The following KCNQ2 variants were observed in gnomAD, a reference collection of about 807,000 sequenced individuals.
KCNQ2 encodes potassium voltage-gated channel subfamily KQT member 2.
A neutral mutation model predicts 84.8 loss-of-function variants in KCNQ2; 14 were observed. That is an observed-to-expected ratio of 0.17 (90% CI 0.11 to 0.26). KCNQ2 has a LOEUF of 0.26. KCNQ2 is among the 10% of genes least tolerant of loss of function. The probability of loss-of-function intolerance (pLI) is 1.00; values close to 1 mark genes in which losing one functional copy is unlikely to be tolerated. For synonymous variants in KCNQ2, 599 were observed against 554.1 expected, an observed-to-expected ratio of 1.08 and a Z score of -1.14; for missense variants, 788 against 1,254.0, an observed-to-expected ratio of 0.63 and a Z score of 5.61.
At chr20:63,439,818 C>A (rs999273081) in intron 5 of KCNQ2, 110 bp from the exon 6 acceptor site, 1 of 800,116 alleles carries the variant, frequency 1.2e-6, no homozygotes. Flanking sequence ...GCGGGGCCAC[C>A]CCCGTGTCAC....
At position 63,446,862 on chromosome 20, in the gene KCNQ2, C is replaced by CA; in HGVS notation, c.297-26dup. Reference sequence around the variant, plus strand: ...CCTGGGGGCAGGGAACGCGCGCTCTCAGACAGGCCGCAGCAGGGCAGCAGC... The same window carrying CA: ...CCTGGGGGCAGGGAACGCGCGCTCTCAAGACAGGCCGCAGCAGGGCAGCAGC... On this transcript the variant is annotated intron_variant, in intron 1 of 16. Transcript: ENST00000359125. The surrounding 1 kb of genome is among the most constrained non-coding windows in gnomAD (Gnocchi z 5.5). 1 of 1,597,546 alleles carries CA rather than the reference C, an allele frequency of 6.3e-7. No individual in the cohort carries two copies. Among genetic ancestry groups the CA allele is most frequent in the Non-Finnish European group, 8.6e-7 (1 of 1,165,638 alleles).
intron 7 of KCNQ2, 53 bp from the exon 8 acceptor site, chr20:63,433,956 C>G: frequency 6.5e-7 from 1 of 1,531,622 alleles, no homozygotes; most frequent in South Asian, 1.1e-5. Context: ...GAGGGGCGCG[C>G]CCAGGAGGGC....
At chr20:63,445,842 CCT>C (rs1255554701) in intron 2 of KCNQ2, among the ~76,000 whole-genome samples, 1 of 135,676 alleles carries the variant, frequency 7.4e-6, no homozygotes, top group African/African-American at 2.8e-5. Context: ...GCTGGGAGGC[CCT>C]GTCTGAGCTG....
At chr20:63,448,871 T>A (rs975773259) in intron 1 of KCNQ2, among the ~76,000 whole-genome samples, 8 of 152,146 alleles carry the variant, frequency 5.3e-5, no homozygotes, top group Admixed American at 5.2e-4. Context: ...CGCCCCCTCA[T>A]CATTGGAGCT....
In KCNQ2 at chr20:63,438,439, G is replaced by A. The variant is rs2081066776; in HGVS notation, c.1023+186C>T. ...CACGAGCCACCCCTGTGCAGCCTCA[G>A]GGGTTGGAGCCATTTCTCAACACAC... On this transcript the variant is annotated intron_variant, in intron 7 of 16. Coordinates refer to ENST00000359125, the MANE Select transcript of KCNQ2 (RefSeq NM_172107.4). The surrounding 1 kb of genome is among the most constrained non-coding windows in gnomAD (Gnocchi z 5.1). 4.6e-6 allele frequency: 3 copies of A among 655,576 alleles called. No individual in the cohort carries two copies. Among genetic ancestry groups the A allele is most frequent in the Non-Finnish European group, 8.3e-6 (3 of 362,586 alleles). 40.6% of individuals were successfully genotyped at this position (655,576 alleles called of 1,614,324 possible).
At chr20:63,411,000 G>A (rs986858790) in intron 15 of KCNQ2, 3 of 456,308 alleles carry the variant, frequency 6.6e-6, no homozygotes, top group African/African-American at 6.0e-5. Context: ...GAAAGTCTGA[G>A]TTAATCACTA....
At chr20:63,439,880 C>G (rs937528038) in intron 5 of KCNQ2, 172 bp from the exon 6 acceptor site, 5 of 667,920 alleles carry the variant, frequency 7.5e-6, no homozygotes, top group Non-Finnish European at 1.4e-5. Context: ...CGCCCCTCAT[C>G]CCCTGAGCCC....
chr20:63,413,586 A>AG lies in KCNQ2; in HGVS notation c.1632-6dup. On this transcript the variant is annotated splice_region_variant and splice_polypyrimidine_tract_variant and intron_variant, in intron 14 of 16. Coordinates refer to ENST00000359125, the MANE Select transcript of KCNQ2 (RefSeq NM_172107.4). ...GACACCAGGAACCGCATGACACTGCAGGGGGGTGGGTGGGGCTGTGAGCCC... is the reference window on the plus strand; with the variant it reads ...GACACCAGGAACCGCATGACACTGCAGGGGGGGTGGGTGGGGCTGTGAGCCC... The AG allele has an allele frequency of 1.9e-6, 2 of 1,072,964 alleles. No individual in the cohort carries two copies. The highest frequency in any genetic ancestry group is 2.9e-6 in the Non-Finnish European group (2 of 693,926). The allele number at this position is 1,072,964 out of a possible 1,614,324, so 66.5% of individuals were successfully genotyped here.
intron 8 of KCNQ2, among the ~76,000 whole-genome samples, chr20:63,432,507 G>A (rs1486739692): frequency 6.2e-5 from 9 of 145,732 alleles, no homozygotes; most frequent in Non-Finnish European, 4.5e-5. Context: ...CACCCTCAGG[G>A]AAGGATCCAC....
At chr20:63,464,341 GC>G (rs2082029729) in intron 1 of KCNQ2, among the ~76,000 whole-genome samples, 1 of 151,810 alleles carries the variant, frequency 6.6e-6, no homozygotes, top group Non-Finnish European at 1.5e-5. Flanking sequence ...GCCGCCAAGT[GC>G]CCCGAGGCCT....
chr20:63,418,689 C>T (rs1046429593), intron 12 of KCNQ2, among the ~76,000 whole-genome samples: 5 of 152,202 alleles, frequency 3.3e-5, no homozygotes, highest in Admixed American at 3.3e-4. Flanking sequence ...AGGCCATGCC[C>T]CAGGCAGCCC....
chr20:63,439,480 T>C (rs2081094491), intron 6 of KCNQ2, 118 bp downstream of exon 6: 1 of 781,890 alleles, frequency 1.3e-6, no homozygotes, highest in African/African-American at 1.7e-5. Flanking sequence ...GTGGACCTGC[T>C]GAGAGCTGCT....
intron 7 of KCNQ2, among the ~76,000 whole-genome samples, chr20:63,435,479 TGAG>T (rs942859208): frequency 4.7e-5 from 7 of 149,918 alleles, no homozygotes; most frequent in African/African-American, 1.7e-4. Flanking sequence ...CTCTAACAGG[TGAG>T]GAGCAGCATT....
At position 63,406,321 on chromosome 20, in the gene KCNQ2, C is replaced by T. The variant is rs543439788; in HGVS notation, c.*323G>A. The T allele has an allele frequency of 2.4e-5, 8 of 331,880 alleles. No individual in the cohort carries two copies. The highest frequency in any genetic ancestry group is 2.3e-4 in the South Asian group (5 of 21,946). 20.6% of individuals were successfully genotyped at this position (331,880 alleles called of 1,614,324 possible). On this transcript the variant is annotated 3_prime_UTR_variant, in exon 17 of 17. Coordinates refer to ENST00000359125, the MANE Select transcript of KCNQ2 (RefSeq NM_172107.4). ...GCCTGTTGCCACGCTGGCAACACCCCGTCATCACTCCCGCCCCTCCTCACA... is the reference window on the plus strand; with the variant it reads ...GCCTGTTGCCACGCTGGCAACACCCTGTCATCACTCCCGCCCCTCCTCACA...
At chr20:63,435,401 A>C (rs1452545792) in intron 7 of KCNQ2, among the ~76,000 whole-genome samples, 2 of 151,728 alleles carry the variant, frequency 1.3e-5, no homozygotes, top group African/African-American at 4.8e-5. Context: ...AACAACAAAA[A>C]AAAAAAGTTG....
intron 11 of KCNQ2, among the ~76,000 whole-genome samples, chr20:63,420,168 G>A (rs966568870): frequency 6.6e-6 from 1 of 152,214 alleles, no homozygotes; most frequent in Non-Finnish European, 1.5e-5. Context: ...GTGGGTCTCG[G>A]TTTACCCAGG....
chr20:63,467,190 C>A (rs994646336), intron 1 of KCNQ2, among the ~76,000 whole-genome samples: 3 of 152,186 alleles, frequency 2.0e-5, no homozygotes, highest in Non-Finnish European at 4.4e-5. Context: ...CCCTCCCCTG[C>A]CTCTGGGCAA....
At position 63,400,995 on chromosome 20, in the gene KCNQ2, T is replaced by C. The variant is rs2079798346; in HGVS notation, c.*5649A>G. On this transcript the variant is annotated 3_prime_UTR_variant, in exon 17 of 17. Transcript: ENST00000359125. The surrounding 1 kb of genome is among the most constrained non-coding windows in gnomAD (Gnocchi z 8.7). ...CCCAGGCGGAGTTGGCGTGTGGCGA[T>C]GGCGATGTGCACGTGCCTGCCTGGT... is the stretch of plus-strand genomic sequence containing the variant. 2.5e-6 allele frequency: 1 copy of C among 397,126 alleles called. No homozygotes were observed. Among genetic ancestry groups the C allele is most frequent in the Non-Finnish European group, 4.4e-6 (1 of 225,582 alleles). 24.6% of individuals were successfully genotyped at this position (397,126 alleles called of 1,614,324 possible). A position where few individuals can be genotyped will look rare whatever the true frequency, so the allele number is the denominator to read the frequency against.
chr20:63,454,029 G>A (rs996753692), intron 1 of KCNQ2, among the ~76,000 whole-genome samples: 2 of 152,190 alleles, frequency 1.3e-5, no homozygotes, highest in African/African-American at 2.4e-5. Flanking sequence ...GCTTCCTAAG[G>A]TGGCTCCGAC....
Sources: gnomAD v4.1 joint callset for allele counts (sites outside exome capture counted in the v4.1 genomes callset) on GRCh38, gnomAD v4.1.1 for gene constraint, Gnocchi (gnomAD v3.1) non-coding constraint, MANE v1.5 for transcripts, NCBI Gene and HGNC (gene_info 2026-07-23, HGNC 2026-07-21) for gene names.